CCDC9B: variants seen among roughly 807,000 people sequenced by gnomAD.
CCDC9B encodes coiled-coil domain containing 9B, also known as coiled-coil domain-containing protein 9B.
In CCDC9B, 40 loss-of-function variants were observed where a neutral mutation model predicts 47.2. The ratio of observed to expected loss-of-function variants is 0.85; its 90% CI spans 0.66 to 1.10. The LOEUF is 1.10. Among genes scored for constraint, CCDC9B ranks in the 50% least tolerant of loss-of-function variants. The pLI is 0.00. For synonymous variants in CCDC9B, 238 were observed against 250.7 expected, an observed-to-expected ratio of 0.95 and a Z score of 0.48; for missense variants, 662 against 651.0, an observed-to-expected ratio of 1.02 and a Z score of -0.18.
At chr15:40,337,299 A>G (rs761420105) in intron 7 of CCDC9B, 89 bp downstream of exon 7, 4 of 1,217,404 alleles carry the variant, frequency 3.3e-6, no homozygotes, top group Non-Finnish European at 4.9e-6. Context: ...TCTGAAAATA[A>G]GAGACTAAGA....
chr15:40,336,312 T>C (rs1161562697), intron 9 of CCDC9B: 11 of 985,270 alleles, frequency 1.1e-5, no homozygotes, highest in African/African-American at 1.7e-5. Flanking sequence ...TCCAGGCATG[T>C]CCCCGCCTGC....
At chr15:40,337,530 G>T in intron 6 of CCDC9B, 84 bp from the exon 7 acceptor site, 2 of 1,323,422 alleles carry the variant, frequency 1.5e-6, no homozygotes, top group Non-Finnish European at 2.1e-6. Context: ...CGAAGCCCAG[G>T]CCCAGAATTG....
rs1240427248 is a variant in CCDC9B at position 40,338,027 on chromosome 15, C to T, written c.514-134G>A. 2.0e-5 allele frequency: 17 copies of T among 854,780 alleles called. No individual in the cohort carries two copies. The Admixed American group carries it at 2.0e-4, about 10-fold the overall frequency. 52.9% of individuals were successfully genotyped at this position (854,780 alleles called of 1,614,324 possible). A position where few individuals can be genotyped will look rare whatever the true frequency, so the allele number is the denominator to read the frequency against. Reference sequence around the variant, plus strand: ...AAAATTAGGCCTGTTCCAGCTCTCCCGTGGAAATGGTTTCCATCCACTTGT... The same window carrying T: ...AAAATTAGGCCTGTTCCAGCTCTCCTGTGGAAATGGTTTCCATCCACTTGT... On this transcript the variant is annotated intron_variant, in intron 5 of 10. Transcript: ENST00000397536.
At chr15:40,339,285 C>T (rs767384388) in intron 3 of CCDC9B, 8 of 590,216 alleles carry the variant, frequency 1.4e-5, no homozygotes, top group Non-Finnish European at 2.4e-5. Context: ...AGGCGCAGGG[C>T]TGTGGACTGG....
chr15:40,335,038 C>T lies in CCDC9B; in HGVS notation c.*120G>A. Reference sequence around the variant, plus strand: ...GGTCGCCATGCTGGAGAGTTTGCCACACTGCTCAGTGACAATGGCGCAAGC... The same window carrying T: ...GGTCGCCATGCTGGAGAGTTTGCCATACTGCTCAGTGACAATGGCGCAAGC... On this transcript the variant is annotated 3_prime_UTR_variant, in exon 11 of 11. Transcript: ENST00000397536. The T allele has an allele frequency of 1.0e-6, 1 of 978,648 alleles. No individual in the cohort carries two copies. The highest frequency in any genetic ancestry group is 1.5e-6 in the Non-Finnish European group (1 of 681,444). The allele number at this position is 978,648 out of a possible 1,614,324, so 60.6% of individuals were successfully genotyped here. A position where few individuals can be genotyped will look rare whatever the true frequency, so the allele number is the denominator to read the frequency against.
At chr15:40,336,521 G>A in intron 9 of CCDC9B, 53 bp downstream of exon 9, 1 of 1,594,022 alleles carries the variant, frequency 6.3e-7, no homozygotes, top group Non-Finnish European at 8.6e-7. Context: ...ACTGGTCCAG[G>A]AAATTGGGAC....
At chr15:40,340,542 A>G in intron 1 of CCDC9B, 2 of 497,530 alleles carry the variant, frequency 4.0e-6, no homozygotes, top group East Asian at 3.4e-5. Flanking sequence ...CAGCCTCTCC[A>G]GGCCGAAAGC....
At chr15:40,339,376 T>G in intron 3 of CCDC9B, 136 bp downstream of exon 3, 2 of 858,654 alleles carry the variant, frequency 2.3e-6, no homozygotes, top group Middle Eastern at 2.5e-4. Context: ...GTGGTCCGAC[T>G]GCAGGAGGTT....
At position 40,335,710 on chromosome 15, in the gene CCDC9B, G is replaced by C; in HGVS notation, c.931-10C>G. The C allele has an allele frequency of 6.4e-7, 1 of 1,571,774 alleles. No individual in the cohort carries two copies. The highest frequency in any genetic ancestry group is 8.6e-7 in the Non-Finnish European group (1 of 1,157,138). Reference sequence around the variant, plus strand: ...TGGTGCTTTGGCTTCCCTGAAACAAGAGAATAGCCCCGGTGGCTGATGAAT... The same window carrying C: ...TGGTGCTTTGGCTTCCCTGAAACAACAGAATAGCCCCGGTGGCTGATGAAT... On this transcript the variant is annotated splice_polypyrimidine_tract_variant and intron_variant, in intron 10 of 10. Transcript: ENST00000397536.
In CCDC9B at chr15:40,335,198, C is replaced by A. The variant is rs766796608; in HGVS notation, c.1433G>T (p.Arg478Met). 24 of 1,551,018 alleles carry A rather than the reference C, an allele frequency of 1.5e-5. No individual in the cohort carries two copies. The highest frequency in any genetic ancestry group is 2.1e-5 in the Non-Finnish European group (24 of 1,146,934). The part of the protein sequence containing the change: ...SQRSRGTAGV[R>M]RRTGRPGPAG... ...CGGGCCAGGGCGCCCTGTCCTGCGC[C>A]TCACACCTGCTGTGCCTCTCGACCT... The change falls in exon 11 of 11, where the codon AGG becomes ATG. Residue 478 changes from arginine to methionine, a missense_variant. Arg to Met is a moderately conservative substitution (Grantham distance 91). Transcript: ENST00000397536.
At chr15:40,336,950 T>C (rs1274436737) in intron 7 of CCDC9B, 137 bp from the exon 8 acceptor site, 11 of 769,928 alleles carry the variant, frequency 1.4e-5, no homozygotes, top group Non-Finnish European at 2.3e-5. Flanking sequence ...CGCCCTCGCC[T>C]GGGGGTCAGG....
chr15:40,340,170 G>A, intron 1 of CCDC9B, 155 bp from the exon 2 acceptor site: 1 of 610,266 alleles, frequency 1.6e-6, no homozygotes, highest in Non-Finnish European at 2.9e-6. Context: ...GCCCAAATAA[G>A]GCCCCAAGCC....
chr15:40,338,689 C>A (rs1298494140), intron 4 of CCDC9B, 29 bp from the exon 5 acceptor site: 3 of 1,612,574 alleles, frequency 1.9e-6, no homozygotes, highest in Non-Finnish European at 2.5e-6. Context: ...GGCAGTGCAG[C>A]AGAGCCAGGG....
In CCDC9B at chr15:40,331,986, A is replaced by T. The variant is rs1400000243; in HGVS notation, c.*3172T>A. 1 of 152,198 alleles carries T rather than the reference A, an allele frequency of 6.6e-6. No homozygotes were observed. Among genetic ancestry groups the T allele is most frequent in the East Asian group, 1.9e-4 (1 of 5,180 alleles). The allele number at this position is 152,198 out of a possible 1,614,324, so 9.4% of individuals were successfully genotyped here. A position where few individuals can be genotyped will look rare whatever the true frequency, so the allele number is the denominator to read the frequency against. On this transcript the variant is annotated 3_prime_UTR_variant, in exon 11 of 11. Coordinates refer to ENST00000397536, the MANE Select transcript of CCDC9B (RefSeq NM_207380.3). Reference sequence around the variant, plus strand: ...TTTCGAGACCTTAGGTAAAGCCAGCATCTCCCTACCAGCTCCTCCCTCCTC... The same window carrying T: ...TTTCGAGACCTTAGGTAAAGCCAGCTTCTCCCTACCAGCTCCTCCCTCCTC...
intron 2 of CCDC9B, 105 bp from the exon 3 acceptor site, chr15:40,339,724 C>G (rs1217997470): frequency 1.3e-6 from 2 of 1,539,160 alleles, no homozygotes; most frequent in African/African-American, 2.7e-5. Context: ...CACCAGGGGG[C>G]AGAGGCGCCA....
chr15:40,338,612 T>A lies in CCDC9B; in HGVS notation c.436A>T (p.Ile146Leu), dbSNP rs1889018789. 1.9e-6 allele frequency: 3 copies of A among 1,614,096 alleles called. No individual in the cohort carries two copies. Among genetic ancestry groups the A allele is most frequent in the Non-Finnish European group, 2.5e-6 (3 of 1,179,942 alleles). ...EKPTRARNQGIEGSPGGRVTR... is the reference protein window; with the variant it reads ...EKPTRARNQGLEGSPGGRVTR... The stretch of plus-strand genomic sequence containing the variant: ...ACACGCCCTCCAGGTGACCCCTCTA[T>A]GCCTTGGTTCCTTGCTCTGGTAGGC... Residue 146 changes from isoleucine to leucine, a missense_variant, in exon 5 of 11, where the codon ATA becomes TTA. Ile to Leu is a conservative substitution (Grantham distance 5). Coordinates refer to ENST00000397536, the MANE Select transcript of CCDC9B (RefSeq NM_207380.3).
In CCDC9B at chr15:40,332,372, A is replaced by G. The variant is rs1888874617; in HGVS notation, c.*2786T>C. On this transcript the variant is annotated 3_prime_UTR_variant, in exon 11 of 11. Transcript: ENST00000397536. ...AGCTCTCCTTTTTTGAAAAGAGCTC[A>G]ATGTTACCTGCCTACACTACCATCT... 6.6e-6 allele frequency: 1 copy of G among 152,234 alleles called. No individual in the cohort carries two copies. The highest frequency in any genetic ancestry group is 6.5e-5 in the Admixed American group (1 of 15,286). 9.4% of individuals were successfully genotyped at this position (152,234 alleles called of 1,614,324 possible).
At chr15:40,338,153 G>A (rs1889007361) in intron 5 of CCDC9B, 1 of 721,044 alleles carries the variant, frequency 1.4e-6, no homozygotes, top group Non-Finnish European at 2.6e-6. Flanking sequence ...GGGTGTTGCA[G>A]GGGTATGCAG....
rs146699813 is a variant in CCDC9B, at chr15:40,335,247, G to A, written c.1384C>T (p.Arg462Trp). 109 of 1,595,068 alleles carry A rather than the reference G, an allele frequency of 6.8e-5. No individual in the cohort carries two copies. The African/African-American group carries it at 1.3e-3, about 19-fold the overall frequency. Reference sequence around the variant, plus strand: ...CTTTGGCTGCCTCCTCTCGTGGGCCGGCTTCTCGGGGCCAGGCCCTGCTGG... The same window carrying A: ...CTTTGGCTGCCTCCTCTCGTGGGCCAGCTTCTCGGGGCCAGGCCCTGCTGG... ...GAQQGLAPRS[R>W]PTRGGSQRSR... Residue 462 changes from arginine to tryptophan, a missense_variant, in exon 11 of 11, where the codon CGG (arginine) becomes TGG (tryptophan). Arg to Trp is a moderately radical substitution (Grantham distance 101). Coordinates refer to ENST00000397536, the MANE Select transcript of CCDC9B (RefSeq NM_207380.3).
Sources: allele counts gnomAD v4.1 joint callset, GRCh38; gene constraint gnomAD v4.1.1; transcripts MANE v1.5; gene names NCBI Gene and HGNC (gene_info 2026-07-23, HGNC 2026-07-21).